The following HOXB4 variants were observed in gnomAD, a reference collection of about 807,000 sequenced individuals.
HOXB4 encodes homeobox B4.
HOXB4 carries 13 observed loss-of-function variants against 20.0 expected under a neutral mutation model. The ratio of observed to expected loss-of-function variants is 0.65; its 90% confidence interval spans 0.42 to 1.03. The LOEUF (loss-of-function observed/expected upper bound fraction) is 1.03. Among genes scored for constraint, HOXB4 ranks in the 50% least tolerant of loss-of-function variants. HOXB4 has a pLI of 0.00. For missense variants in HOXB4, 343 were observed against 357.1 expected (o/e 0.96, Z 0.32); for synonymous variants, 173 against 148.9 (o/e 1.16, Z -1.18).
At chr17:48,577,144 G>A (rs1343234448) in intron 1 of HOXB4, 124 bp from the exon 2 acceptor site, 1 of 923,542 alleles carries the variant, frequency 1.1e-6, no homozygotes, top group South Asian at 1.7e-5. Flanking sequence ...TTCCTTCTGA[G>A]GGAGAGCGGG....
intron 1 of HOXB4, 125 bp from the exon 2 acceptor site, chr17:48,577,145 G>T: frequency 1.1e-6 from 1 of 928,912 alleles, no homozygotes; most frequent in Non-Finnish European, 1.5e-6. Flanking sequence ...TCCTTCTGAG[G>T]GAGAGCGGGG....
Position 48,576,849 on chromosome 17 carries a change from A to G in HOXB4, c.629T>C (p.Phe210Ser). 3 of 1,614,204 alleles carry G rather than the reference A, an allele frequency of 1.9e-6. No individual in the cohort carries two copies. Among genetic ancestry groups the G allele is most frequent in the Non-Finnish European group, 2.5e-6 (3 of 1,180,020 alleles). Residue 210 changes from phenylalanine (F) to serine (S), a missense_variant, in exon 2 of 2, where the codon TTC becomes TCC. Transcript: ENST00000332503. ...TTTCCACTTCATGCGCCGGTTCTGG[A>G]ACCAGATCTTGATCTGGCGCTCGGA... Reference protein sequence around the residue: ...CLSERQIKIWFQNRRMKWKKD... With the variant: ...CLSERQIKIWSQNRRMKWKKD...
At chr17:48,577,067 C>A (rs370288251) in intron 1 of HOXB4, 47 bp from the exon 2 acceptor site, 103 of 1,500,764 alleles carry the variant, frequency 6.9e-5, no homozygotes, top group South Asian at 1.8e-4. Context: ...TTATTGCCCC[C>A]GAAAGAGAGA....
At position 48,576,523 on chromosome 17, in the gene HOXB4, C is replaced by T. The variant is rs970935281; in HGVS notation, c.*199G>A. On this transcript the variant is annotated 3_prime_UTR_variant, in exon 2 of 2. Coordinates refer to ENST00000332503, the MANE Select transcript of HOXB4 (RefSeq NM_024015.5). ...AATCTTGCTTCTGGGGGGGCCTCCC[C>T]GTGGCCCTCTATTGTCATTTCTATA... is the stretch of plus-strand genomic sequence containing the variant. The T allele has an allele frequency of 1.2e-5, 5 of 417,274 alleles. No individual in the cohort carries two copies. In the East Asian group the frequency reaches 1.4e-4, roughly 12 times the overall value. The allele number at this position is 417,274 out of a possible 1,614,324, so 25.8% of individuals were successfully genotyped here.
Position 48,576,773 on chromosome 17 carries a change from G to T in HOXB4, c.705C>A (p.Gly235=). 6.2e-7 allele frequency: 1 copy of T among 1,614,012 alleles called. No individual in the cohort carries two copies. The change falls in exon 2 of 2, where the codon GGC becomes GGA. Residue 235 remains glycine (G), a synonymous_variant. Transcript: ENST00000332503. ...GCCGGCCAGGGGGCCCTCCGGCTGA[G>T]CCTGCCGCACCACCCGAGCGGATCT... ...NTKIRSGGAA[G]SAGGPPGRPN... is the part of the protein sequence containing the mutation.
In HOXB4 at chr17:48,578,173, C is replaced by T; in HGVS notation, c.147G>A (p.Gln49=). ...CGCGCCGCCCGAAGCCCGCCTCCGGCTGGAAGCTGCTCTCTCGCCTCTGGC... is the reference window on the plus strand; with the variant it reads ...CGCGCCGCCCGAAGCCCGCCTCCGGTTGGAAGCTGCTCTCTCGCCTCTGGC... The part of the protein sequence containing the change: ...AGGQRRESSF[Q]PEAGFGRRAA... The change falls in exon 1 of 2, where the codon CAG becomes CAA. Residue 49 remains glutamine, a synonymous_variant. Coordinates refer to ENST00000332503, the MANE Select transcript of HOXB4 (RefSeq NM_024015.5). The T allele has an allele frequency of 6.2e-7, 1 of 1,610,300 alleles. No individual in the cohort carries two copies. Among genetic ancestry groups the T allele is most frequent in the Non-Finnish European group, 8.5e-7 (1 of 1,178,136 alleles).
intron 1 of HOXB4, among the ~76,000 whole-genome samples, 171 bp downstream of exon 1, chr17:48,577,692 G>T (rs537571130): frequency 6.6e-6 from 1 of 152,284 alleles, no homozygotes; most frequent in African/African-American, 2.4e-5. Context: ...ATTTATGGGG[G>T]ATGTAATTAT....
rs2144884382 is a variant in HOXB4 at position 48,576,664 on chromosome 17, C to CAA, written c.*57_*58insTT. 1.8e-4 allele frequency: 82 copies of CAA among 466,038 alleles called. No homozygotes were observed. Among genetic ancestry groups the CAA allele is most frequent in the Non-Finnish European group, 2.7e-4 (72 of 262,868 alleles). The allele number at this position is 466,038 out of a possible 1,614,324, so 28.9% of individuals were successfully genotyped here. ...GCCCCCTCCTGTCCCCCCACCCCAT[C>CAA]CCCTGCACTCACTGCCCACCCCCAC... On this transcript the variant is annotated 3_prime_UTR_variant, in exon 2 of 2. Coordinates refer to ENST00000332503, the MANE Select transcript of HOXB4 (RefSeq NM_024015.5).
In HOXB4 at chr17:48,578,089, C is replaced by T. The variant is rs1345722817; in HGVS notation, c.231G>A (p.Pro77=). The T allele has an allele frequency of 9.0e-6, 2 of 222,444 alleles. No homozygotes were observed. The highest frequency in any genetic ancestry group is 1.3e-4 in the East Asian group (1 of 7,844). The allele number at this position is 222,444 out of a possible 1,614,324, so 13.8% of individuals were successfully genotyped here. The change falls in exon 1 of 2, where the codon CCG becomes CCA. Residue 77 remains proline, a synonymous_variant. Transcript: ENST00000332503. ...GTGGCGGGGGCGGCGGGGGTGGTGG[C>T]GGAGGCGGCGGGGGCCCAGGGTCCC... The part of the protein sequence containing the change: ...ACRDPGPPPP[P]PPPPPPPPPP...
chr17:48,577,547 C>T (rs189039690), intron 1 of HOXB4, among the ~76,000 whole-genome samples: 55 of 152,338 alleles, frequency 3.6e-4, no homozygotes, highest in African/African-American at 1.3e-3. Flanking sequence ...TCCTTCTCCT[C>T]CTCCACCTCC....
At chr17:48,577,777 T>G in intron 1 of HOXB4, 86 bp downstream of exon 1, 10 of 1,212,126 alleles carry the variant, frequency 8.2e-6, no homozygotes, top group Non-Finnish European at 9.4e-6. Flanking sequence ...CTTCCCCAGC[T>G]CAACCCCCCC....
In HOXB4 at chr17:48,577,925, G is replaced by C; in HGVS notation, c.395C>G (p.Ser132Cys). ...CAQNPLHPSP[S>C]HSACKEPVVY... ...GACGGGCTCTTTGCACGCGGAGTGG[G>C]ACGGGCTGGGGTGCAGGGGGTTCTG... The change falls in exon 1 of 2, where the codon TCC becomes TGC. Residue 132 changes from serine to cysteine, a missense_variant. Ser to Cys is a moderately radical substitution (Grantham distance 112, BLOSUM62 -1). Transcript: ENST00000332503. 1 of 1,371,268 alleles carries C rather than the reference G, an allele frequency of 7.3e-7. No individual in the cohort carries two copies. The highest frequency in any genetic ancestry group is 2.1e-5 in the South Asian group (1 of 46,846). 84.9% of individuals were successfully genotyped at this position (1,371,268 alleles called of 1,614,324 possible).
At position 48,576,567 on chromosome 17, in the gene HOXB4, C is replaced by A. The variant is rs375711835; in HGVS notation, c.*155G>T. 3.5e-6 allele frequency: 2 copies of A among 572,066 alleles called. No homozygotes were observed. The highest frequency in any genetic ancestry group is 2.8e-6 in the Non-Finnish European group (1 of 351,268). The allele number at this position is 572,066 out of a possible 1,614,324, so 35.4% of individuals were successfully genotyped here. ...TTCTATAAATAAAGCTTCCCCTCCC[C>A]CTCTTCTGCGTTTATTCGTATATAA... On this transcript the variant is annotated 3_prime_UTR_variant, in exon 2 of 2. Coordinates refer to ENST00000332503, the MANE Select transcript of HOXB4 (RefSeq NM_024015.5).
Position 48,576,774 on chromosome 17 carries a change from C to A in HOXB4, c.704G>T (p.Gly235Val). Reference protein sequence around the residue: ...NTKIRSGGAAGSAGGPPGRPN... With the variant: ...NTKIRSGGAAVSAGGPPGRPN... ...CCGGCCAGGGGGCCCTCCGGCTGAG[C>A]CTGCCGCACCACCCGAGCGGATCTT... The change falls in exon 2 of 2, where the codon GGC becomes GTC. Residue 235 changes from glycine (G) to valine (V), a missense_variant. By Grantham distance (109) the Gly-to-Val change is moderately radical. Around this residue, in one of 3 missense-constraint regions of HOXB4, gnomAD observed 48 missense variants for 44.8 expected, o/e 1.07. Transcript: ENST00000332503. 6.2e-7 allele frequency: 1 copy of A among 1,613,974 alleles called. No homozygotes were observed. The highest frequency in any genetic ancestry group is 8.5e-7 in the Non-Finnish European group (1 of 1,179,918).
rs1270544371 is a variant in HOXB4 at position 48,578,267 on chromosome 17, G to A, written c.53C>T (p.Pro18Leu). 1.2e-6 allele frequency: 2 copies of A among 1,613,896 alleles called. No individual in the cohort carries two copies. The highest frequency in any genetic ancestry group is 1.1e-5 in the South Asian group (1 of 91,068). ...GCTCTGTGAATATTCCTCGCATGGAGGGAACTTGGGGTCGACATAGTTTGA... is the reference window on the plus strand; with the variant it reads ...GCTCTGTGAATATTCCTCGCATGGAAGGAACTTGGGGTCGACATAGTTTGA... ...INSNYVDPKFPPCEEYSQSDY... is the reference protein window; with the variant it reads ...INSNYVDPKFLPCEEYSQSDY... Residue 18 changes from proline to leucine, a missense_variant, in exon 1 of 2, where the codon CCT becomes CTT. Transcript: ENST00000332503.
chr17:48,577,991 C>A lies in HOXB4; in HGVS notation c.329G>T (p.Cys110Phe), dbSNP rs1285816654. 3 of 1,301,108 alleles carry A rather than the reference C, an allele frequency of 2.3e-6. No homozygotes were observed. Among genetic ancestry groups the A allele is most frequent in the Non-Finnish European group, 2.9e-6 (3 of 1,021,728 alleles). 80.6% of individuals were successfully genotyped at this position (1,301,108 alleles called of 1,614,324 possible). A position where few individuals can be genotyped will look rare whatever the true frequency, so the allele number is the denominator to read the frequency against. ...CGGGGGGCTGCTGCTGACCGCCTCG[C>A]AGCGCTGGCCGGGCTCCGGGAGGAG... is the stretch of plus-strand genomic sequence containing the variant. The part of the protein sequence containing the change: ...GALLPEPGQR[C>F]EAVSSSPPPP... Residue 110 changes from cysteine to phenylalanine, a missense_variant, in exon 1 of 2, where the codon TGC becomes TTC. Cys to Phe is a radical substitution (Grantham distance 205, BLOSUM62 -2). Transcript: ENST00000332503.
chr17:48,576,555 G>T lies in HOXB4; in HGVS notation c.*167C>A. 1 of 521,852 alleles carries T rather than the reference G, an allele frequency of 1.9e-6. No homozygotes were observed. The highest frequency in any genetic ancestry group is 3.2e-6 in the Non-Finnish European group (1 of 312,698). 32.3% of individuals were successfully genotyped at this position (521,852 alleles called of 1,614,324 possible). ...CTCTATTGTCATTTCTATAAATAAA[G>T]CTTCCCCTCCCCCTCTTCTGCGTTT... On this transcript the variant is annotated 3_prime_UTR_variant, in exon 2 of 2. Coordinates refer to ENST00000332503, the MANE Select transcript of HOXB4 (RefSeq NM_024015.5).
intron 1 of HOXB4, among the ~76,000 whole-genome samples, chr17:48,577,322 G>A (rs1222411214): frequency 2.0e-5 from 3 of 152,178 alleles, no homozygotes; most frequent in African/African-American, 4.8e-5. Flanking sequence ...GGGGCCCCCA[G>A]AATGGGAGAA....
Position 48,576,838 on chromosome 17 carries a change from G to T in HOXB4, c.640C>A (p.Arg214Ser). ...TTGTGGTCTTTTTTCCACTTCATGC[G>T]CCGGTTCTGGAACCAGATCTTGATC... is the stretch of plus-strand genomic sequence containing the variant. Reference protein sequence around the residue: ...RQIKIWFQNRRMKWKKDHKLP... With the variant: ...RQIKIWFQNRSMKWKKDHKLP... Residue 214 changes from arginine (R) to serine (S), a missense_variant, in exon 2 of 2, where the codon CGC (arginine) becomes AGC (serine). Arg to Ser is a moderately radical substitution (Grantham distance 110). Around this residue, in one of 3 missense-constraint regions of HOXB4, gnomAD observed 54 missense variants for 90.3 expected, o/e 0.60. Transcript: ENST00000332503. 1 of 1,614,240 alleles carries T rather than the reference G, an allele frequency of 6.2e-7. No homozygotes were observed.
Sources: allele counts gnomAD v4.1 joint callset (sites outside exome capture counted in the v4.1 genomes callset), GRCh38; gene constraint gnomAD v4.1.1; regional missense constraint gnomAD v4.1.1; transcripts MANE v1.5; gene names NCBI Gene and HGNC (gene_info 2026-07-23, HGNC 2026-07-21).